PTPRD: variants seen among roughly 807,000 people sequenced by gnomAD.
The protein encoded by PTPRD is protein tyrosine phosphatase receptor type D, also known as receptor-type tyrosine-protein phosphatase delta.
A neutral mutation model predicts 214.5 loss-of-function variants in PTPRD; 34 were observed. That is an observed-to-expected ratio of 0.16 (90% CI 0.12 to 0.21). The LOEUF is 0.21. PTPRD is among the 10% of genes least tolerant of loss of function. The pLI, the probability that PTPRD is intolerant of heterozygous loss-of-function variation, is 1.00. For missense variants in PTPRD, 2,545 were observed against 2,398.7 expected, an observed-to-expected ratio of 1.06 and a Z score of -1.27; for synonymous variants, 1,128 against 845.7, an observed-to-expected ratio of 1.33 and a Z score of -5.79.
At chr9:8,632,872 G>A (rs1365601621) in intron 14 of PTPRD, among the ~76,000 whole-genome samples, 2 of 151,828 alleles carry the variant, frequency 1.3e-5, no homozygotes, top group Non-Finnish European at 2.9e-5. Flanking sequence ...ACTTGGTTCT[G>A]ACCAATTGCT....
At position 8,337,539 on chromosome 9, in the gene PTPRD, G is replaced by A. The variant is rs371143407; in HGVS notation, c.5379+1383C>T. Among the ~76,000 whole-genome samples the A allele has an allele frequency of 4.2e-4, 64 of 152,066 alleles. No individual in the cohort carries two copies. The South Asian group carries it at 0.012, about 30-fold the overall frequency. ...GTTGCACCAAACCACCGTGGCACAT[G>A]TATAATTAAATTATGTAACAAACCT... is the stretch of plus-strand genomic sequence containing the variant. On this transcript the variant is annotated intron_variant, in intron 43 of 45. Coordinates refer to ENST00000381196, the MANE Select transcript of PTPRD (RefSeq NM_002839.4).
At chr9:8,333,854 C>CA (rs60751885) in intron 43 of PTPRD, among the ~76,000 whole-genome samples, 2,436 of 147,726 alleles carry the variant, frequency 0.016, 20 homozygotes, top group Non-Finnish European at 0.026. Flanking sequence ...AAATGGAAGG[C>CA]AAAAAAAAAG....
intron 2 of PTPRD, among the ~76,000 whole-genome samples, chr9:10,418,072 A>G (rs969081729): frequency 1.3e-5 from 2 of 151,850 alleles, no homozygotes; most frequent in East Asian, 3.9e-4. Context: ...AGTAATTTAG[A>G]TTTTTTTAAA....
chr9:8,567,172 C>G (rs2089561061), intron 14 of PTPRD, among the ~76,000 whole-genome samples: 1 of 152,134 alleles, frequency 6.6e-6, no homozygotes, highest in African/African-American at 2.4e-5. Flanking sequence ...ATGCAAAAAA[C>G]ACAAACAATG....
intron 5 of PTPRD, among the ~76,000 whole-genome samples, chr9:9,859,885 A>G (rs1029443985): frequency 4.6e-4 from 70 of 152,314 alleles, no homozygotes; most frequent in African/African-American, 1.6e-3. Context: ...TTCTACCAGT[A>G]TATTTGTACC....
intron 2 of PTPRD, among the ~76,000 whole-genome samples, chr9:10,583,023 T>G (rs1411284213): frequency 6.6e-6 from 1 of 152,188 alleles, no homozygotes; most frequent in African/African-American, 2.4e-5. Flanking sequence ...TATAATTCAG[T>G]CCAGCAAGTA....
chr9:9,926,588 T>C (rs547894967), intron 5 of PTPRD, among the ~76,000 whole-genome samples: 6 of 152,226 alleles, frequency 3.9e-5, no homozygotes, highest in East Asian at 3.9e-4. Flanking sequence ...GTGAAGATAA[T>C]TGTATCATTA....
chr9:9,112,115 C>T (rs1159177439), intron 10 of PTPRD, among the ~76,000 whole-genome samples: 1 of 152,134 alleles, frequency 6.6e-6, no homozygotes, highest in Non-Finnish European at 1.5e-5. Context: ...TTCCTGTCTA[C>T]AAAGCCATGC....
At chr9:8,936,444 A>AAAAAAAG in intron 11 of PTPRD, among the ~76,000 whole-genome samples, 1 of 150,400 alleles carries the variant, frequency 6.6e-6, no homozygotes, top group Non-Finnish European at 1.5e-5. Context: ...AAAAAAAAAA[A>AAAAAAAG]AAAAAAGAAG....
chr9:9,496,941 T>G (rs1379948355), intron 8 of PTPRD, among the ~76,000 whole-genome samples: 1 of 152,122 alleles, frequency 6.6e-6, no homozygotes, highest in Non-Finnish European at 1.5e-5. Context: ...TTCTGACATA[T>G]GCTACAACAT....
intron 3 of PTPRD, among the ~76,000 whole-genome samples, chr9:10,181,372 C>A (rs1346843097): frequency 1.3e-5 from 2 of 152,066 alleles, no homozygotes; most frequent in Non-Finnish European, 2.9e-5. Context: ...TAAAACTACT[C>A]CCCAAATTTA....
chr9:8,686,249 A>T (rs935727591), intron 12 of PTPRD, among the ~76,000 whole-genome samples: 3 of 152,216 alleles, frequency 2.0e-5, no homozygotes, highest in African/African-American at 7.2e-5. Flanking sequence ...TTCAGTGACC[A>T]ATTAATTTGG....
chr9:8,581,913 C>CAAAAAAAAAAAAAAAAAAAAAAAAAAA (rs36007156), intron 14 of PTPRD, among the ~76,000 whole-genome samples: 1 of 34,964 alleles, frequency 2.9e-5, no homozygotes, highest in African/African-American at 8.2e-5. Flanking sequence ...ACTCAATCTC[C>CAAAAAAAAAAAAAAAAAAAAAAAAAAA]AAAAAAAAAA....
intron 4 of PTPRD, among the ~76,000 whole-genome samples, chr9:10,032,784 A>C (rs959134622): frequency 6.6e-6 from 1 of 152,056 alleles, no homozygotes; most frequent in African/African-American, 2.4e-5. Flanking sequence ...TTATTCTATT[A>C]ATTTCCATAC....
Position 8,359,126 on chromosome 9 carries a change from AAAAAAAAAAAAAC to A in PTPRD, c.4661+16797_4661+16809del, listed in dbSNP as rs1564252851. Among the ~76,000 whole-genome samples the A allele has an allele frequency of 2.4e-4, 29 of 123,330 alleles. 8 individuals carry two copies. The highest frequency in any genetic ancestry group is 1.3e-3 in the African/African-American group (24 of 18,592). 80.9% of individuals were successfully genotyped at this position (123,330 alleles called of 152,430 possible). On this transcript the variant is annotated intron_variant, in intron 39 of 45. Transcript: ENST00000381196. Reference sequence around the variant, plus strand: ...CCGTCTCAAAAAAAAAAAAAAACAAAAAAAAAAAAAAACAAAAAAAAATTGAATCAGATTTTAG... The same window carrying A: ...CCGTCTCAAAAAAAAAAAAAAACAAAAAAAAAAAATTGAATCAGATTTTAG...
intron 11 of PTPRD, among the ~76,000 whole-genome samples, chr9:9,001,440 T>A (rs2099417944): frequency 6.6e-6 from 1 of 152,004 alleles, no homozygotes; most frequent in African/African-American, 2.4e-5. Context: ...GACCCCAACA[T>A]AGCTCAGTTT....
At chr9:8,446,677 G>C (rs749464448) in intron 34 of PTPRD, among the ~76,000 whole-genome samples, 1 of 152,104 alleles carries the variant, frequency 6.6e-6, no homozygotes, top group African/African-American at 2.4e-5. Flanking sequence ...TTGGGGATAA[G>C]CAATTATACA....
intron 3 of PTPRD, among the ~76,000 whole-genome samples, chr9:10,326,582 G>A (rs980185722): frequency 1.3e-5 from 2 of 151,300 alleles, no homozygotes; most frequent in Non-Finnish European, 3.0e-5. Context: ...CTTTCAAATT[G>A]CTTCACATTT....
chr9:9,655,002 T>G (rs1206253742), intron 7 of PTPRD, among the ~76,000 whole-genome samples: 1 of 146,874 alleles, frequency 6.8e-6, no homozygotes, highest in African/African-American at 2.6e-5. Context: ...CATATATATA[T>G]ATAGATATAG....
Sources: allele counts gnomAD v4.1 joint callset (sites outside exome capture counted in the v4.1 genomes callset), GRCh38; gene constraint gnomAD v4.1.1; transcripts MANE v1.5; gene names NCBI Gene and HGNC (gene_info 2026-07-23, HGNC 2026-07-21).